The following AGAP1 variants were observed in gnomAD, a reference collection of about 807,000 sequenced individuals.
The protein encoded by AGAP1 is arf-GAP with GTPase, ANK repeat and PH domain-containing protein 1.
In AGAP1, 29 loss-of-function variants were observed where a neutral mutation model predicts 105.3. The ratio of observed to expected loss-of-function variants is 0.28; its 90% CI spans 0.21 to 0.38. AGAP1 has a LOEUF of 0.38. AGAP1 is among the 10% of genes least tolerant of loss of function. The pLI is 1.00. For synonymous variants in AGAP1, 509 were observed against 485.9 expected, an observed-to-expected ratio of 1.05 and a Z score of -0.63; for missense variants, 998 against 1,165.1, an observed-to-expected ratio of 0.86 and a Z score of 2.09.
intron 10 of AGAP1, among the ~76,000 whole-genome samples, chr2:235,894,281 A>C (rs1254054000): frequency 6.6e-6 from 1 of 152,138 alleles, no homozygotes; most frequent in Non-Finnish European, 1.5e-5. Context: ...TTGGTTGGCT[A>C]TTCTTGGGAC....
chr2:236,049,778 T>G (rs1419276600), intron 16 of AGAP1: 1 of 153,330 alleles, frequency 6.5e-6, no homozygotes, highest in Non-Finnish European at 1.5e-5. Context: ...CAGCATAATG[T>G]ATGATGTAAC....
chr2:235,832,439 CCTT>C (rs1341482644), intron 9 of AGAP1, among the ~76,000 whole-genome samples: 2 of 152,204 alleles, frequency 1.3e-5, no homozygotes, highest in Admixed American at 6.5e-5. Context: ...CACTGTGAAA[CCTT>C]CTGAGTGAGC....
intron 1 of AGAP1, among the ~76,000 whole-genome samples, chr2:235,657,629 G>A (rs146614827): frequency 0.02 from 3,076 of 152,190 alleles, 110 homozygotes; most frequent in African/African-American, 0.071. Context: ...TGATCCATCC[G>A]CCTCGGCCTC....
chr2:235,651,033 T>G (rs1172944079), intron 1 of AGAP1, among the ~76,000 whole-genome samples: 1 of 151,598 alleles, frequency 6.6e-6, no homozygotes, highest in African/African-American at 2.4e-5. Flanking sequence ...TATAAAAAAT[T>G]AGCCAGGCAT....
intron 1 of AGAP1, among the ~76,000 whole-genome samples, chr2:235,607,836 G>T (rs7564374): frequency 6.6e-6 from 1 of 151,970 alleles, no homozygotes; most frequent in Non-Finnish European, 1.5e-5. Context: ...ATCGGGGAAC[G>T]TTCTTTGAGG....
At position 235,844,036 on chromosome 2, in the gene AGAP1, CA is replaced by C. The variant is rs537603198; in HGVS notation, c.1050+36706del. ...AATCTGGCAGGAGTCCCCAAAGGAC[CA>C]CCCAGGCTCAGTCTTGGCCCCATTG... On this transcript the variant is annotated intron_variant, in intron 9 of 17. Coordinates refer to ENST00000304032, the MANE Select transcript of AGAP1 (RefSeq NM_001037131.3). 4.7e-3 allele frequency among the ~76,000 whole-genome samples: 709 copies of C among 152,274 alleles called. 8 individuals carry two copies. The highest frequency in any genetic ancestry group is 0.016 in the African/African-American group (675 of 41,550).
chr2:236,070,072 G>C (rs1018409195), intron 16 of AGAP1, among the ~76,000 whole-genome samples: 17 of 152,248 alleles, frequency 1.1e-4, no homozygotes, highest in Admixed American at 3.9e-4. Flanking sequence ...TCTGCTGGCT[G>C]TGGCGCTGTA....
At chr2:235,998,107 A>T (rs2055896069) in intron 13 of AGAP1, among the ~76,000 whole-genome samples, 1 of 152,226 alleles carries the variant, frequency 6.6e-6, no homozygotes, top group South Asian at 2.1e-4. Flanking sequence ...TATTTAAAAC[A>T]ATAACCACCG....
chr2:235,981,492 T>C lies in AGAP1; in HGVS notation c.1645+12869T>C, dbSNP rs2055094449. ...ACACACACGGTGTTATTTTTTTTCT[T>C]TCTGAATTTCATGAAAATAAAATAT... On this transcript the variant is annotated intron_variant, in intron 13 of 17. Transcript: ENST00000304032. The surrounding 1 kb of genome is among the most constrained non-coding windows in gnomAD (Gnocchi z 5.5). 6.6e-6 allele frequency among the ~76,000 whole-genome samples: 1 copy of C among 152,040 alleles called. No individual in the cohort carries two copies. Among genetic ancestry groups the C allele is most frequent in the Admixed American group, 6.6e-5 (1 of 15,244 alleles).
chr2:235,969,940 G>A (rs567184614), intron 13 of AGAP1, among the ~76,000 whole-genome samples: 3 of 152,224 alleles, frequency 2.0e-5, no homozygotes, highest in Non-Finnish European at 4.4e-5. Context: ...GGTGGCTCAC[G>A]CCTGTAATCC....
intron 13 of AGAP1, among the ~76,000 whole-genome samples, chr2:235,985,225 A>G (rs201572767): frequency 1.3e-5 from 2 of 152,094 alleles, no homozygotes; most frequent in African/African-American, 2.4e-5. Flanking sequence ...TCTTTTTCAT[A>G]TGTTTATTGG....
intron 10 of AGAP1, among the ~76,000 whole-genome samples, chr2:235,894,459 G>T (rs1030857315): frequency 6.6e-6 from 1 of 152,176 alleles, no homozygotes; most frequent in Non-Finnish European, 1.5e-5. Context: ...GAACCTTGAC[G>T]TGTAGATACT....
intron 13 of AGAP1, among the ~76,000 whole-genome samples, chr2:235,996,955 A>G (rs966388864): frequency 2.6e-5 from 4 of 152,214 alleles, no homozygotes; most frequent in Admixed American, 6.5e-5. Flanking sequence ...AGGAGAAGAA[A>G]AAAATCACTG....
At chr2:235,515,434 C>T (rs1942338937) in intron 1 of AGAP1, among the ~76,000 whole-genome samples, 1 of 152,104 alleles carries the variant, frequency 6.6e-6, no homozygotes, top group Non-Finnish European at 1.5e-5. Context: ...AGGGCAGGTC[C>T]TCAAAGGAAC....
chr2:235,689,153 G>A lies in AGAP1; in HGVS notation c.164-20026G>A, dbSNP rs111648004. Among the ~76,000 whole-genome samples the A allele has an allele frequency of 1.2e-4, 19 of 152,344 alleles. No homozygotes were observed. Among genetic ancestry groups the A allele is most frequent in the African/African-American group, 4.1e-4 (17 of 41,580 alleles). On this transcript the variant is annotated intron_variant, in intron 1 of 17. Transcript: ENST00000304032. The surrounding 1 kb of genome is among the most constrained non-coding windows in gnomAD (Gnocchi z 4.2). The stretch of plus-strand genomic sequence containing the variant: ...TATCCCATGAGTTAGGGGCTTCAGG[G>A]CTTCTGCGCTTTGCTGGCCCTTGTG...
In AGAP1 at chr2:236,089,036, G is replaced by A. The variant is rs547374247; in HGVS notation, c.2115-31156G>A. Among the ~76,000 whole-genome samples, 96 of 152,284 alleles carry A rather than the reference G, an allele frequency of 6.3e-4. 1 individual carries two copies. Among genetic ancestry groups the A allele is most frequent in the African/African-American group, 2.3e-3 (94 of 41,556 alleles). Reference sequence around the variant, plus strand: ...ATGTTTCAAAGTACAGAAGGTAGAAGGTACATCACCACCGTCCATCACGTG... The same window carrying A: ...ATGTTTCAAAGTACAGAAGGTAGAAAGTACATCACCACCGTCCATCACGTG... On this transcript the variant is annotated intron_variant, in intron 16 of 17. Coordinates refer to ENST00000304032, the MANE Select transcript of AGAP1 (RefSeq NM_001037131.3). The surrounding 1 kb of genome is among the most constrained non-coding windows in gnomAD (Gnocchi z 5.6).
chr2:235,831,199 AAAAC>A (rs1559538999), intron 9 of AGAP1, among the ~76,000 whole-genome samples: 1 of 151,882 alleles, frequency 6.6e-6, no homozygotes, highest in Non-Finnish European at 1.5e-5. Flanking sequence ...AAAAAAAAAA[AAAAC>A]AGTAAACGTT....
Position 236,058,522 on chromosome 2 carries a change from G to A in AGAP1, c.2114+9241G>A, listed in dbSNP as rs947474749. On this transcript the variant is annotated intron_variant, in intron 16 of 17. Coordinates refer to ENST00000304032, the MANE Select transcript of AGAP1 (RefSeq NM_001037131.3). The surrounding 1 kb of genome is among the most constrained non-coding windows in gnomAD (Gnocchi z 4.6). ...CAGAAAATACATTTGACAAAACCAC[G>A]TGCCCTTTCATGGTAACAAACACTC... 2.6e-5 allele frequency among the ~76,000 whole-genome samples: 4 copies of A among 152,150 alleles called. No individual in the cohort carries two copies. Among genetic ancestry groups the A allele is most frequent in the Non-Finnish European group, 4.4e-5 (3 of 68,032 alleles).
chr2:235,857,496 TCA>T (rs1189721370), intron 9 of AGAP1, among the ~76,000 whole-genome samples: 2 of 152,156 alleles, frequency 1.3e-5, no homozygotes, highest in Non-Finnish European at 2.9e-5. Context: ...CTCCCGTTGC[TCA>T]CAGTGTGTGT....
Sources: gnomAD v4.1 joint callset for allele counts (sites outside exome capture counted in the v4.1 genomes callset) on GRCh38, gnomAD v4.1.1 for gene constraint, Gnocchi (gnomAD v3.1) non-coding constraint, MANE v1.5 for transcripts, NCBI Gene and HGNC (gene_info 2026-07-23, HGNC 2026-07-21) for gene names.